TRPC5: variants seen among roughly 807,000 people sequenced by gnomAD.
The protein encoded by TRPC5 is short transient receptor potential channel 5.
In TRPC5, 9 loss-of-function variants were observed where a neutral mutation model predicts 56.5. The ratio of observed to expected loss-of-function variants is 0.16; its 90% CI spans 0.10 to 0.28. The LOEUF (loss-of-function observed/expected upper bound fraction) is 0.28. Ranked by LOEUF, TRPC5 falls within the 10% of genes least tolerant of loss-of-function variation. The pLI is 1.00. For missense variants in TRPC5, 469 were observed against 748.9 expected, an observed-to-expected ratio of 0.63 and a Z score of 4.36; for synonymous variants, 282 against 278.5, an observed-to-expected ratio of 1.01 and a Z score of -0.13.
At chrX:112,021,950 T>C (rs1183900187) in intron 1 of TRPC5, among the ~76,000 whole-genome samples, 2 of 112,438 alleles carry the variant, frequency 1.8e-5, no homozygotes, top group Non-Finnish European at 3.8e-5. Context: ...GTTCTTTACC[T>C]TTTACAGAAT....
At chrX:111,902,117 A>T in intron 3 of TRPC5, 1 of 1,153,197 alleles carries the variant, frequency 8.7e-7, no homozygotes, top group Admixed American at 2.6e-5. Flanking sequence ...AGATCAGGCT[A>T]TGTTAGACAT....
At chrX:111,923,884 G>A (rs976580255) in intron 2 of TRPC5, among the ~76,000 whole-genome samples, 2 of 112,270 alleles carry the variant, frequency 1.8e-5, no homozygotes, top group Non-Finnish European at 3.8e-5. Flanking sequence ...ACTCTACCAG[G>A]GTGTCCAGTT....
chrX:111,968,590 G>A (rs1158080374), intron 1 of TRPC5, among the ~76,000 whole-genome samples: 88 of 109,724 alleles, frequency 8.0e-4, no homozygotes, highest in Non-Finnish European at 1.3e-3. Flanking sequence ...GTCCAACAAC[G>A]ATAGACTGGA....
chrX:112,019,559 C>G (rs1178784694), intron 1 of TRPC5, among the ~76,000 whole-genome samples: 1 of 110,916 alleles, frequency 9.0e-6, no homozygotes, highest in Non-Finnish European at 1.9e-5. Context: ...CCTCAGCCTC[C>G]CGACTAGCCA....
At chrX:111,906,227 C>T (rs1307843235) in intron 3 of TRPC5, among the ~76,000 whole-genome samples, 2 of 109,095 alleles carry the variant, frequency 1.8e-5, no homozygotes, top group African/African-American at 6.7e-5. Context: ...CGGTGGTAGG[C>T]ACCTGTAATC....
At chrX:112,012,701 C>G (rs1929023368) in intron 1 of TRPC5, among the ~76,000 whole-genome samples, 1 of 111,930 alleles carries the variant, frequency 8.9e-6, no homozygotes, top group African/African-American at 3.2e-5. Flanking sequence ...TGGGTCTGGC[C>G]TCTTTCCATC....
At position 111,946,684 on chromosome X, in the gene TRPC5, C is replaced by A. The variant is rs1926941773; in HGVS notation, c.378+5359G>T. ...AAATTCACTTAACTCTTTCATGTTCCTCAGCAAACATTTATATATCACCCA... is the reference window on the plus strand; with the variant it reads ...AAATTCACTTAACTCTTTCATGTTCATCAGCAAACATTTATATATCACCCA... On this transcript the variant is annotated intron_variant, in intron 2 of 10. Coordinates refer to ENST00000262839, the MANE Select transcript of TRPC5 (RefSeq NM_012471.3). Among the ~76,000 whole-genome samples, 3 of 112,332 alleles carry A rather than the reference C, an allele frequency of 2.7e-5. No homozygotes were observed. In the Admixed American group the frequency reaches 2.8e-4, roughly 11 times the overall value.
intron 1 of TRPC5, among the ~76,000 whole-genome samples, chrX:112,081,098 T>C (rs1265840881): frequency 8.9e-6 from 1 of 112,247 alleles, no homozygotes; most frequent in African/African-American, 3.2e-5. Flanking sequence ...CATCACCAGG[T>C]ACATGACTGC....
intron 4 of TRPC5, 55 bp downstream of exon 4, chrX:111,853,715 A>G: frequency 8.8e-7 from 1 of 1,134,625 alleles, no homozygotes; most frequent in Non-Finnish European, 1.2e-6. Flanking sequence ...CTAGTAGTTT[A>G]TTTAAACAGG....
chrX:111,789,133 C>G (rs1429486804), intron 7 of TRPC5, among the ~76,000 whole-genome samples: 1 of 111,881 alleles, frequency 8.9e-6, no homozygotes, highest in African/African-American at 3.3e-5. Flanking sequence ...AAGAACAAAG[C>G]TGGAGGCATC....
At chrX:111,921,102 T>C (rs1363888138) in intron 2 of TRPC5, among the ~76,000 whole-genome samples, 2 of 111,990 alleles carry the variant, frequency 1.8e-5, no homozygotes, top group African/African-American at 6.5e-5. Context: ...TATTTCTATG[T>C]TTCCAATAGC....
intron 2 of TRPC5, among the ~76,000 whole-genome samples, chrX:111,925,579 G>C (rs1926236874): frequency 9.0e-6 from 1 of 111,616 alleles, no homozygotes; most frequent in Admixed American, 9.5e-5. Flanking sequence ...TTTTCTTTCT[G>C]ATATCCTAAC....
At position 111,890,773 on chromosome X, in the gene TRPC5, A is replaced by G. The variant is rs1335363971; in HGVS notation, c.900+21518T>C. ...AAGTGCAGGTTTGTTACATAGGTAA[A>G]CCCATGTCATGGTGGGTTTGTTTTA... On this transcript the variant is annotated intron_variant, in intron 3 of 10. Transcript: ENST00000262839. 2.7e-5 allele frequency among the ~76,000 whole-genome samples: 3 copies of G among 111,602 alleles called. No homozygotes were observed. The Admixed American group carries it at 2.8e-4, about 11-fold the overall frequency.
intron 2 of TRPC5, among the ~76,000 whole-genome samples, 159 bp from the exon 3 acceptor site, chrX:111,912,971 G>A (rs1925863708): frequency 9.0e-6 from 1 of 111,570 alleles, no homozygotes; most frequent in Admixed American, 9.5e-5. Flanking sequence ...AATGTTTGTG[G>A]GATGCTTATT....
At chrX:111,836,023 A>T (rs1922554754) in intron 6 of TRPC5, among the ~76,000 whole-genome samples, 1 of 111,822 alleles carries the variant, frequency 8.9e-6, no homozygotes, top group African/African-American at 3.2e-5. Flanking sequence ...ATGACGAAAC[A>T]GAGATTCAGA....
chrX:111,900,457 T>C (rs1925285683), intron 3 of TRPC5, among the ~76,000 whole-genome samples: 1 of 111,650 alleles, frequency 9.0e-6, no homozygotes, highest in South Asian at 3.7e-4. Context: ...GGAAAAACAA[T>C]CTGGTGAAGG....
chrX:111,968,934 C>T (rs1603123327), intron 1 of TRPC5, among the ~76,000 whole-genome samples: 1 of 103,911 alleles, frequency 9.6e-6, no homozygotes, highest in East Asian at 3.1e-4. Flanking sequence ...ATGTAACAAA[C>T]CTGCACATTG....
At chrX:111,905,869 C>CGT (rs1335275847) in intron 3 of TRPC5, among the ~76,000 whole-genome samples, 1 of 99,268 alleles carries the variant, frequency 1.0e-5, no homozygotes, top group Non-Finnish European at 2.0e-5. Context: ...GAGCCAAGAT[C>CGT]GTGCCACTGC....
At chrX:111,932,335 GATA>G (rs1470375975) in intron 2 of TRPC5, among the ~76,000 whole-genome samples, 1 of 111,601 alleles carries the variant, frequency 9.0e-6, no homozygotes, top group African/African-American at 3.3e-5. Flanking sequence ...CATCAAACTG[GATA>G]CATGAAATGC....
Sources: gnomAD v4.1 joint callset for allele counts (sites outside exome capture counted in the v4.1 genomes callset) on GRCh38, gnomAD v4.1.1 for gene constraint, MANE v1.5 for transcripts, NCBI Gene and HGNC (gene_info 2026-07-23, HGNC 2026-07-21) for gene names.